GPD2: variants seen among roughly 807,000 people sequenced by gnomAD.
GPD2 encodes glycerol-3-phosphate dehydrogenase, mitochondrial.
In GPD2, 54 loss-of-function variants were observed where a neutral mutation model predicts 82.4. The observed-to-expected ratio is 0.66, with a 90% confidence interval of 0.53 to 0.82. The LOEUF is 0.82. Among genes scored for constraint, GPD2 ranks in the 40% least tolerant of loss-of-function variants. The pLI is 0.00. For synonymous variants in GPD2, 288 were observed against 306.1 expected (o/e 0.94, Z 0.62); for missense variants, 748 against 896.2 (o/e 0.83, Z 2.11).
At chr2:156,576,184 C>A (rs1389739254) in intron 13 of GPD2, among the ~76,000 whole-genome samples, 1 of 152,092 alleles carries the variant, frequency 6.6e-6, no homozygotes, top group Non-Finnish European at 1.5e-5. Flanking sequence ...CCATGGCTGC[C>A]CCCAAATCCA....
the GPD2 span, among the ~76,000 whole-genome samples, chr2:156,420,971 T>G: frequency 2.0e-5 from 3 of 152,252 alleles, no homozygotes; most frequent in African/African-American, 7.2e-5. Flanking sequence ...TTGTTGAATC[T>G]ACTCACAGAT....
the GPD2 span, among the ~76,000 whole-genome samples, chr2:156,400,515 C>T: frequency 1.3e-5 from 2 of 152,206 alleles, no homozygotes; most frequent in Admixed American, 6.5e-5. Flanking sequence ...CTCCAGGATC[C>T]CAGGCTCCCG....
At chr2:156,422,754 A>G in the GPD2 span, among the ~76,000 whole-genome samples, 1 of 151,488 alleles carries the variant, frequency 6.6e-6, no homozygotes, top group Non-Finnish European at 1.5e-5. Flanking sequence ...CAAACAAACA[A>G]AAAAAAACTA....
At chr2:156,528,337 G>A (rs929461370) in intron 6 of GPD2, among the ~76,000 whole-genome samples, 2 of 151,482 alleles carry the variant, frequency 1.3e-5, no homozygotes, top group African/African-American at 4.8e-5. Flanking sequence ...GGTAAAATTG[G>A]TATTTTCATT....
intron 1 of GPD2, among the ~76,000 whole-genome samples, chr2:156,447,001 G>T (rs1390704275): frequency 6.6e-6 from 1 of 151,586 alleles, no homozygotes; most frequent in African/African-American, 2.4e-5. Context: ...GCTTTCCCCC[G>T]TACTCTGGAT....
At chr2:156,533,301 C>G (rs1685935709) in intron 6 of GPD2, among the ~76,000 whole-genome samples, 4 of 152,304 alleles carry the variant, frequency 2.6e-5, no homozygotes, top group Admixed American at 2.6e-4. Flanking sequence ...GCTGAGCAGT[C>G]TTTTTCTCCT....
intron 1 of GPD2, among the ~76,000 whole-genome samples, chr2:156,464,158 G>A (rs761361749): frequency 3.3e-4 from 50 of 152,236 alleles, no homozygotes; most frequent in Middle Eastern, 3.4e-3. Context: ...TTGGAGTGGG[G>A]ATGGAGCATT....
chr2:156,482,554 C>G (rs1264963292), intron 2 of GPD2, among the ~76,000 whole-genome samples: 1 of 152,132 alleles, frequency 6.6e-6, no homozygotes, highest in East Asian at 1.9e-4. Flanking sequence ...GAAAAAAGCT[C>G]TAACTTTTTT....
rs547012680 is a variant in GPD2 at position 156,450,419 on chromosome 2, T to G, written c.-9+13906T>G. 8.5e-5 allele frequency among the ~76,000 whole-genome samples: 13 copies of G among 152,150 alleles called. No homozygotes were observed. In the South Asian group the frequency reaches 2.7e-3, roughly 32 times the overall value. On this transcript the variant is annotated intron_variant, in intron 1 of 16. Transcript: ENST00000438166. The stretch of plus-strand genomic sequence containing the variant: ...GAGAAGCAGGCCATTGAGCAACTAT[T>G]ATATAGAAGAGAAGGAGGAGTTGCC...
At chr2:156,444,039 T>C (rs1682270788) in intron 1 of GPD2, among the ~76,000 whole-genome samples, 1 of 152,226 alleles carries the variant, frequency 6.6e-6, no homozygotes. Flanking sequence ...GGTCACTGTC[T>C]GGACCTTTCA....
chr2:156,505,497 T>C (rs575648808), intron 3 of GPD2, among the ~76,000 whole-genome samples: 1 of 152,276 alleles, frequency 6.6e-6, no homozygotes, highest in Non-Finnish European at 1.5e-5. Context: ...GAGATACAGC[T>C]TATTGCTTTC....
At chr2:156,509,162 G>T (rs1443821906) in intron 3 of GPD2, among the ~76,000 whole-genome samples, 1 of 152,076 alleles carries the variant, frequency 6.6e-6, no homozygotes, top group Non-Finnish European at 1.5e-5. Context: ...AGTGACCTGG[G>T]GCTGTGATAC....
At chr2:156,404,953 A>G in the GPD2 span, among the ~76,000 whole-genome samples, 1 of 152,202 alleles carries the variant, frequency 6.6e-6, no homozygotes, top group South Asian at 2.1e-4. Flanking sequence ...TTTAGGACAC[A>G]TTCCCAGCTT....
Position 156,510,904 on chromosome 2 carries a change from A to G in GPD2, c.383A>G (p.Lys128Arg). ...GVRYLQKAIM[K>R]LDIEQYRMVK... is the part of the protein sequence containing the mutation. ...AGATATCTGCAGAAGGCCATCATGA[A>G]GTTGGATATTGAGCAGGTAATTGTG... The change falls in exon 4 of 17, where the codon AAG (lysine) becomes AGG (arginine). Residue 128 changes from lysine to arginine, a missense_variant. By Grantham distance (26) the Lys-to-Arg change is conservative. This residue lies in a region of GPD2 where 692 missense variants were observed against 809.7 expected (regional missense o/e 0.85). Coordinates refer to ENST00000438166, the MANE Select transcript of GPD2 (RefSeq NM_000408.5). The G allele has an allele frequency of 6.2e-6, 10 of 1,613,700 alleles. No individual in the cohort carries two copies. Among genetic ancestry groups the G allele is most frequent in the Non-Finnish European group, 8.5e-6 (10 of 1,179,612 alleles).
chr2:156,484,407 G>A (rs62176584), intron 2 of GPD2, among the ~76,000 whole-genome samples: 48,746 of 152,128 alleles, frequency 0.32, 9,255 homozygotes, highest in Non-Finnish European at 0.44. Flanking sequence ...AAAGAGCCGG[G>A]ATTACAGGCG....
chr2:156,575,221 A>G (rs1687772492), intron 13 of GPD2, among the ~76,000 whole-genome samples: 2 of 152,156 alleles, frequency 1.3e-5, no homozygotes, highest in Admixed American at 6.6e-5. Flanking sequence ...GAGAGGAGAG[A>G]AAAATATAGT....
At chr2:156,541,972 G>T (rs1254968383) in intron 6 of GPD2, among the ~76,000 whole-genome samples, 1 of 83,174 alleles carries the variant, frequency 1.2e-5, no homozygotes, top group Non-Finnish European at 3.0e-5. Context: ...GTTGCTTGCT[G>T]TTTAAATGTG....
intron 2 of GPD2, among the ~76,000 whole-genome samples, chr2:156,484,073 G>A (rs968119693): frequency 3.5e-5 from 5 of 144,350 alleles, no homozygotes; most frequent in Admixed American, 7.2e-5. Context: ...TTCTCCCAGA[G>A]TAAACAATAT....
chr2:156,432,171 A>G (rs1225739606), upstream of GPD2, among the ~76,000 whole-genome samples: 1 of 152,228 alleles, frequency 6.6e-6, no homozygotes, highest in Admixed American at 6.5e-5. Context: ...TACAGGCATG[A>G]GCCAACGTGC....
Sources: gnomAD v4.1 joint callset for allele counts (sites outside exome capture counted in the v4.1 genomes callset) on GRCh38, gnomAD v4.1.1 for gene constraint, gnomAD v4.1.1 regional missense constraint, MANE v1.5 for transcripts, NCBI Gene and HGNC (gene_info 2026-07-23, HGNC 2026-07-21) for gene names.